The following MIPEP variants were observed in gnomAD, a reference collection of about 807,000 sequenced individuals.
The protein encoded by MIPEP is mitochondrial intermediate peptidase.
Under a neutral mutation model 90.3 loss-of-function variants are expected in MIPEP, and 79 were observed. That is an observed-to-expected ratio of 0.87 (90% CI 0.73 to 1.05). The LOEUF is 1.05. MIPEP is among the 50% of genes least tolerant of loss of function. The pLI is 0.00. For missense variants in MIPEP, 940 were observed against 905.6 expected (o/e 1.04, Z -0.49); for synonymous variants, 334 against 315.8 (o/e 1.06, Z -0.61).
At chr13:23,784,006 C>T (rs142239488) in intron 16 of MIPEP, among the ~76,000 whole-genome samples, 248 of 152,156 alleles carry the variant, frequency 1.6e-3, no homozygotes, top group African/African-American at 5.7e-3. Flanking sequence ...GAATCAATAT[C>T]GTGAAAATGG....
intron 16 of MIPEP, among the ~76,000 whole-genome samples, chr13:23,800,170 A>G (rs1593161363): frequency 6.6e-6 from 1 of 152,330 alleles, no homozygotes; most frequent in Admixed American, 6.5e-5. Context: ...TCAGCTGTTC[A>G]TGTTTTGTAC....
chr13:23,811,930 T>A (rs1953175652), intron 14 of MIPEP, among the ~76,000 whole-genome samples: 1 of 152,106 alleles, frequency 6.6e-6, no homozygotes, highest in South Asian at 2.1e-4. Flanking sequence ...TGTTTTCCAC[T>A]TAGCTGGCCC....
rs565112646 is a variant in MIPEP, at chr13:23,788,600, G to A, written c.1848+17350C>T. 1.0e-3 allele frequency among the ~76,000 whole-genome samples: 157 copies of A among 152,336 alleles called. 1 individual carries two copies. The highest frequency in any genetic ancestry group is 3.6e-3 in the African/African-American group (150 of 41,586). On this transcript the variant is annotated intron_variant, in intron 16 of 18. Coordinates refer to ENST00000382172, the MANE Select transcript of MIPEP (RefSeq NM_005932.4). ...GGCCACAAATAACTGCAAGGGGCAT[G>A]AAAGTGCAATTCTACCATGGGGCAG...
chr13:23,841,443 T>C lies in MIPEP; in HGVS notation c.1152A>G (p.Gly384=), dbSNP rs1869294081. 5.0e-6 allele frequency: 8 copies of C among 1,613,990 alleles called. No individual in the cohort carries two copies. In the East Asian group the frequency reaches 1.8e-4, roughly 36 times the overall value. The change falls in exon 11 of 19, where the codon GGA becomes GGG. Residue 384 remains glycine (G), a synonymous_variant. Transcript: ENST00000382172. ...PSLYCPFFSL[G]ACMEGLNILL... ...AAATATTCAGGCCTTCCATGCATGC[T>C]CCAAGAGAGAAAAACGGGCAATATA...
At position 23,831,632 on chromosome 13, in the gene MIPEP, T is replaced by C. The variant is rs188774760; in HGVS notation, c.1653+4608A>G. On this transcript the variant is annotated intron_variant, in intron 14 of 18. Coordinates refer to ENST00000382172, the MANE Select transcript of MIPEP (RefSeq NM_005932.4). ...AGCAAAATACAAGAGGCAACCTCGC[T>C]TCATAACAACCTGCTCTCGTGGGAA... 2.8e-4 allele frequency among the ~76,000 whole-genome samples: 42 copies of C among 152,228 alleles called. 1 individual carries two copies. Among genetic ancestry groups the C allele is most frequent in the South Asian group, 1.7e-3 (8 of 4,816 alleles).
chr13:23,784,804 C>T (rs2137367011), intron 16 of MIPEP, among the ~76,000 whole-genome samples: 1 of 152,266 alleles, frequency 6.6e-6, no homozygotes, highest in South Asian at 2.1e-4. Context: ...ATAAAACAAA[C>T]AACCCCATCA....
intron 1 of MIPEP, 59 bp from the exon 2 acceptor site, chr13:23,886,565 T>C: frequency 2.9e-6 from 4 of 1,368,648 alleles, no homozygotes; most frequent in Non-Finnish European, 9.8e-7. Context: ...GCTTTTTTTA[T>C]ATTTACTAAA....
At chr13:23,872,935 A>C (rs529389950) in intron 5 of MIPEP, among the ~76,000 whole-genome samples, 48 of 152,320 alleles carry the variant, frequency 3.2e-4, no homozygotes, top group African/African-American at 1.1e-3. Context: ...CAATACTTTT[A>C]CTGAGTCCAA....
intron 2 of MIPEP, among the ~76,000 whole-genome samples, chr13:23,883,889 C>A (rs1871362802): frequency 6.6e-6 from 1 of 152,070 alleles, no homozygotes; most frequent in South Asian, 2.1e-4. Flanking sequence ...ATACTGGAGG[C>A]ACAGAACAAA....
Position 23,864,503 on chromosome 13 carries a change from C to T in MIPEP, c.944-314G>A, listed in dbSNP as rs187187317. ...TCCTAGTACTTTGGGAGGCTGAGGG[C>T]AGGGGGTGGATCACCTGAGGTCAGG... is the stretch of plus-strand genomic sequence containing the variant. On this transcript the variant is annotated intron_variant, in intron 7 of 18. Transcript: ENST00000382172. Among the ~76,000 whole-genome samples the T allele has an allele frequency of 3.3e-3, 506 of 151,828 alleles. 5 individuals are homozygous for T. The highest frequency in any genetic ancestry group is 0.011 in the African/African-American group (466 of 41,420).
chr13:23,767,860 G>A (rs890949435), intron 16 of MIPEP, among the ~76,000 whole-genome samples: 3 of 152,176 alleles, frequency 2.0e-5, no homozygotes, highest in African/African-American at 7.2e-5. Context: ...AGATTAGTAA[G>A]TGTTCCTTCC....
At chr13:23,752,170 A>C (rs1316397692) in intron 18 of MIPEP, among the ~76,000 whole-genome samples, 1 of 152,210 alleles carries the variant, frequency 6.6e-6, no homozygotes, top group East Asian at 1.9e-4. Flanking sequence ...TAAAATCTGA[A>C]CCTAAAAACT....
intron 16 of MIPEP, among the ~76,000 whole-genome samples, chr13:23,770,944 G>A (rs1002823606): frequency 6.6e-6 from 1 of 152,118 alleles, no homozygotes; most frequent in Non-Finnish European, 1.5e-5. Context: ...TCTGCATGGC[G>A]CATAAACACT....
In MIPEP at chr13:23,805,967, G is replaced by A. The variant is rs769118593; in HGVS notation, c.1831C>T (p.Pro611Ser). ...KETQEKFYGL[P>S]YVPNTAWQLR... ...GGACTCACAGTATTTGGAACATATG[G>A]TAGGCCATAGAATTTCTCTTGTGTT... is the stretch of plus-strand genomic sequence containing the variant. Residue 611 changes from proline (P) to serine (S), a missense_variant, in exon 16 of 19, where the codon CCA becomes TCA. Physicochemically the swap from Pro to Ser is moderately conservative, Grantham distance 74. Transcript: ENST00000382172. The A allele has an allele frequency of 5.0e-6, 8 of 1,613,826 alleles. No individual in the cohort carries two copies. Among genetic ancestry groups the A allele is most frequent in the Admixed American group, 1.7e-5 (1 of 60,004 alleles).
At chr13:23,803,166 C>A in intron 16 of MIPEP, among the ~76,000 whole-genome samples, 1 of 152,076 alleles carries the variant, frequency 6.6e-6, no homozygotes, top group East Asian at 1.9e-4. Context: ...AGTTCGAGAC[C>A]AGCCTGGCCA....
At chr13:23,857,303 T>C (rs1034924602) in intron 10 of MIPEP, among the ~76,000 whole-genome samples, 2 of 152,226 alleles carry the variant, frequency 1.3e-5, no homozygotes, top group Non-Finnish European at 2.9e-5. Context: ...TAACAGTTTA[T>C]GTGTTTTCAC....
intron 5 of MIPEP, among the ~76,000 whole-genome samples, chr13:23,873,031 T>G (rs1388620321): frequency 3.3e-5 from 5 of 152,182 alleles, no homozygotes; most frequent in African/African-American, 9.7e-5. Context: ...AATAACAGCA[T>G]CATCATCAAC....
intron 7 of MIPEP, among the ~76,000 whole-genome samples, chr13:23,868,229 G>A (rs1238927611): frequency 6.6e-6 from 1 of 152,050 alleles, no homozygotes; most frequent in Admixed American, 6.6e-5. Context: ...AAAAAACGGG[G>A]TAAGATTTTA....
chr13:23,877,088 A>G (rs991369655), intron 4 of MIPEP, among the ~76,000 whole-genome samples: 20 of 152,144 alleles, frequency 1.3e-4, no homozygotes, highest in African/African-American at 4.8e-4. Flanking sequence ...GCATTTTTAT[A>G]TGTTCTACTA....
Sources: allele counts gnomAD v4.1 joint callset (sites outside exome capture counted in the v4.1 genomes callset), GRCh38; gene constraint gnomAD v4.1.1; transcripts MANE v1.5; gene names NCBI Gene and HGNC (gene_info 2026-07-23, HGNC 2026-07-21).